Variants in RBMS3 observed in about 807,000 individuals in gnomAD.
The protein encoded by RBMS3 is RNA-binding motif, single-stranded-interacting protein 3.
RBMS3 carries 27 observed loss-of-function variants against 66.8 expected under a neutral mutation model. The observed-to-expected ratio is 0.40, with a 90% CI of 0.30 to 0.56. The LOEUF is 0.56. Ranked by LOEUF, RBMS3 falls within the 20% of genes least tolerant of loss-of-function variation. The probability of loss-of-function intolerance (pLI) is 0.40; values close to 1 mark genes in which losing one functional copy is unlikely to be tolerated. For missense variants in RBMS3, 513 were observed against 549.5 expected (o/e 0.93, Z 0.66); for synonymous variants, 188 against 183.0 (o/e 1.03, Z -0.22).
chr3:29,695,886 T>C (rs946665063), intron 4 of RBMS3, among the ~76,000 whole-genome samples: 1 of 152,158 alleles, frequency 6.6e-6, no homozygotes, highest in African/African-American at 2.4e-5. Flanking sequence ...ATTTCCAAGT[T>C]GATTTTTATT....
chr3:29,606,200 T>C (rs2048316691), intron 4 of RBMS3, among the ~76,000 whole-genome samples: 1 of 151,894 alleles, frequency 6.6e-6, no homozygotes, highest in African/African-American at 2.4e-5. Flanking sequence ...CTAGATTTTA[T>C]TCACCACACA....
At chr3:29,415,874 G>A (rs2040457623) in intron 1 of RBMS3, among the ~76,000 whole-genome samples, 1 of 152,088 alleles carries the variant, frequency 6.6e-6, no homozygotes, top group African/African-American at 2.4e-5. Context: ...AAGGCATAAT[G>A]TAGGATGAAA....
chr3:29,886,247 G>A (rs2059867075), intron 8 of RBMS3, among the ~76,000 whole-genome samples: 1 of 151,870 alleles, frequency 6.6e-6, no homozygotes, highest in Admixed American at 6.6e-5. Context: ...TGATTCCGAA[G>A]CAAAATCAAA....
intron 1 of RBMS3, among the ~76,000 whole-genome samples, chr3:29,310,960 T>A (rs991409217): frequency 6.6e-6 from 1 of 151,812 alleles, no homozygotes; most frequent in African/African-American, 2.4e-5. Flanking sequence ...ATAAAACCTT[T>A]TAGTCTGCAC....
intron 3 of RBMS3, among the ~76,000 whole-genome samples, chr3:29,500,020 A>G (rs932664287): frequency 6.6e-6 from 1 of 152,098 alleles, no homozygotes; most frequent in Non-Finnish European, 1.5e-5. Context: ...ACATGCTGCA[A>G]TAGATAAACC....
chr3:29,401,858 T>C lies in RBMS3; in HGVS notation c.76-32885T>C, dbSNP rs570195835. Reference sequence around the variant, plus strand: ...ACAGCTGCTACGATTCTTTACTATCTTGTAGTCATGGCTATGATGATTAAT... The same window carrying C: ...ACAGCTGCTACGATTCTTTACTATCCTGTAGTCATGGCTATGATGATTAAT... On this transcript the variant is annotated intron_variant, in intron 1 of 14. Coordinates refer to ENST00000383767, the MANE Select transcript of RBMS3 (RefSeq NM_001003793.3). Among the ~76,000 whole-genome samples, 33 of 152,224 alleles carry C rather than the reference T, an allele frequency of 2.2e-4. No individual in the cohort carries two copies. In the South Asian group the frequency reaches 6.4e-3, roughly 30 times the overall value.
intron 12 of RBMS3, among the ~76,000 whole-genome samples, chr3:29,966,920 A>G (rs1013193461): frequency 1.3e-5 from 2 of 152,146 alleles, no homozygotes; most frequent in South Asian, 2.1e-4. Context: ...GGATTTTGTC[A>G]AATGCTTTTT....
intron 6 of RBMS3, among the ~76,000 whole-genome samples, chr3:29,798,303 GGGGAAGGGAGGGGAA>G (rs2057273203): frequency 1.1e-5 from 1 of 89,606 alleles, no homozygotes; most frequent in Admixed American, 1.0e-4. Context: ...AGGGAAGGGA[GGGGAAGGGAGGGGAA>G]GGGAAGGGAG....
chr3:29,887,729 A>G (rs2059905516), intron 8 of RBMS3, among the ~76,000 whole-genome samples: 1 of 151,698 alleles, frequency 6.6e-6, no homozygotes, highest in Non-Finnish European at 1.5e-5. Context: ...ACAAACTAAG[A>G]CTCATTAAGA....
chr3:29,979,660 C>G (rs1217992985), intron 12 of RBMS3, among the ~76,000 whole-genome samples: 1 of 152,164 alleles, frequency 6.6e-6, no homozygotes, highest in Non-Finnish European at 1.5e-5. Context: ...TTGTTCAACT[C>G]CCACTTATGA....
At chr3:29,529,366 T>C (rs1576130728) in intron 3 of RBMS3, among the ~76,000 whole-genome samples, 1 of 152,006 alleles carries the variant, frequency 6.6e-6, no homozygotes, top group South Asian at 2.1e-4. Flanking sequence ...CAAAAAGGGA[T>C]GGAGAGAGGC....
At chr3:29,572,204 A>G (rs2046973230) in intron 3 of RBMS3, among the ~76,000 whole-genome samples, 1 of 152,032 alleles carries the variant, frequency 6.6e-6, no homozygotes, top group African/African-American at 2.4e-5. Flanking sequence ...CAAATATGAG[A>G]TCGTATCATC....
intron 14 of RBMS3, among the ~76,000 whole-genome samples, chr3:29,992,844 G>C (rs1030527755): frequency 7.7e-6 from 1 of 130,696 alleles, no homozygotes; most frequent in Non-Finnish European, 1.8e-5. Context: ...TCATATCAAC[G>C]ATAGGCTATT....
intron 1 of RBMS3, among the ~76,000 whole-genome samples, chr3:29,383,782 A>G (rs564642224): frequency 6.6e-6 from 1 of 152,300 alleles, no homozygotes; most frequent in East Asian, 1.9e-4. Context: ...TCTACTTACT[A>G]ACAATATGAT....
intron 4 of RBMS3, among the ~76,000 whole-genome samples, chr3:29,602,647 C>T (rs767832566): frequency 3.3e-5 from 5 of 151,756 alleles, no homozygotes; most frequent in South Asian, 2.1e-4. Context: ...ATTTTTTTTG[C>T]GTCAACATTA....
At chr3:29,902,071 G>T (rs918290316) in intron 10 of RBMS3, among the ~76,000 whole-genome samples, 1 of 151,774 alleles carries the variant, frequency 6.6e-6, no homozygotes, top group African/African-American at 2.4e-5. Flanking sequence ...AAGAATTAAT[G>T]AGGAACTTGA....
chr3:29,728,179 C>T (rs541026047), intron 4 of RBMS3, among the ~76,000 whole-genome samples: 20 of 144,232 alleles, frequency 1.4e-4, no homozygotes, highest in East Asian at 2.1e-4. Context: ...ACACGGGGAG[C>T]GGAACATCAC....
chr3:29,982,453 G>A (rs1459243200), intron 12 of RBMS3, among the ~76,000 whole-genome samples: 1 of 151,986 alleles, frequency 6.6e-6, no homozygotes, highest in Non-Finnish European at 1.5e-5. Context: ...CTTGTCTTCT[G>A]CTAGCTTTTT....
intron 12 of RBMS3, among the ~76,000 whole-genome samples, chr3:29,958,393 A>C (rs1249633635): frequency 6.6e-6 from 1 of 151,858 alleles, no homozygotes; most frequent in East Asian, 1.9e-4. Context: ...GATTTTTCTC[A>C]TTATAAAACT....
Sources: gnomAD v4.1 joint callset for allele counts (sites outside exome capture counted in the v4.1 genomes callset) on GRCh38, gnomAD v4.1.1 for gene constraint, MANE v1.5 for transcripts, NCBI Gene and HGNC (gene_info 2026-07-23, HGNC 2026-07-21) for gene names.